GULP1: variants seen among roughly 807,000 people sequenced by gnomAD.
The protein encoded by GULP1 is GULP PTB domain containing engulfment adaptor 1.
A neutral mutation model predicts 40.9 loss-of-function variants in GULP1; 19 were observed. The ratio of observed to expected loss-of-function variants is 0.46; its 90% CI spans 0.32 to 0.68. The LOEUF is 0.68. GULP1 is among the 30% of genes least tolerant of loss of function. The pLI, the probability that GULP1 is intolerant of heterozygous loss-of-function variation, is 0.03. For missense variants in GULP1, 312 were observed against 362.2 expected (o/e 0.86, Z 1.12); for synonymous variants, 119 against 117.6 (o/e 1.01, Z -0.08).
intron 2 of GULP1, among the ~76,000 whole-genome samples, chr2:188,465,959 G>T (rs2060078221): frequency 6.6e-6 from 1 of 150,624 alleles, no homozygotes; most frequent in African/African-American, 2.5e-5. Flanking sequence ...ATGAAGGTGT[G>T]TGTGTGTGTA....
At chr2:188,433,995 CT>C (rs199943094) in intron 2 of GULP1, among the ~76,000 whole-genome samples, 1 of 151,212 alleles carries the variant, frequency 6.6e-6, no homozygotes. Flanking sequence ...ATTCCCCCCA[CT>C]TTTTTTTAAC....
At chr2:188,363,800 AT>A (rs2046394093) in intron 1 of GULP1, among the ~76,000 whole-genome samples, 1 of 152,140 alleles carries the variant, frequency 6.6e-6, no homozygotes, top group African/African-American at 2.4e-5. Flanking sequence ...AAGTTAAGAA[AT>A]TTGAGAGAGG....
intron 7 of GULP1, among the ~76,000 whole-genome samples, chr2:188,542,683 TATA>T (rs1690856182): frequency 6.6e-6 from 1 of 152,148 alleles, no homozygotes; most frequent in Non-Finnish European, 1.5e-5. Flanking sequence ...AGACATTTTA[TATA>T]GCTCAAATTG....
chr2:188,481,729 G>A (rs2153054242), intron 3 of GULP1, among the ~76,000 whole-genome samples: 1 of 152,010 alleles, frequency 6.6e-6, no homozygotes, highest in South Asian at 2.1e-4. Flanking sequence ...ACATACTCCT[G>A]AGATGTGTTG....
chr2:188,368,005 C>G (rs1022588349), intron 1 of GULP1, among the ~76,000 whole-genome samples: 2 of 152,032 alleles, frequency 1.3e-5, no homozygotes, highest in African/African-American at 4.8e-5. Context: ...TTTTGTGTCT[C>G]CTTTATAGCA....
chr2:188,364,296 G>T (rs1485969960), intron 1 of GULP1, among the ~76,000 whole-genome samples: 1 of 152,002 alleles, frequency 6.6e-6, no homozygotes, highest in African/African-American at 2.4e-5. Flanking sequence ...GATCCTCAGG[G>T]TTATTGGGTT....
intron 4 of GULP1, among the ~76,000 whole-genome samples, chr2:188,510,291 T>G (rs556920799): frequency 1.3e-5 from 2 of 152,220 alleles, no homozygotes; most frequent in South Asian, 4.1e-4. Context: ...CCATGAAAAT[T>G]AAGAATGAAA....
At chr2:188,473,786 T>C (rs1480643955) in intron 2 of GULP1, among the ~76,000 whole-genome samples, 1 of 152,128 alleles carries the variant, frequency 6.6e-6, no homozygotes, top group Non-Finnish European at 1.5e-5. Context: ...GCTGAGCTGG[T>C]ATCTAGGTGC....
At chr2:188,368,220 G>A (rs2047061350) in intron 1 of GULP1, among the ~76,000 whole-genome samples, 1 of 152,104 alleles carries the variant, frequency 6.6e-6, no homozygotes, top group Admixed American at 6.6e-5. Flanking sequence ...TTGGTGTTGA[G>A]GGATCTATAA....
rs117134065 is a variant in GULP1, at chr2:188,372,260, A to G, written c.-171-11503A>G. On this transcript the variant is annotated intron_variant, in intron 1 of 11. Transcript: ENST00000409830. ...TAGTTCTCCAGAGGAGTTACCTCCTATGGCTAGTACTAGTACTTTCTACTT... is the reference window on the plus strand; with the variant it reads ...TAGTTCTCCAGAGGAGTTACCTCCTGTGGCTAGTACTAGTACTTTCTACTT... Among the ~76,000 whole-genome samples, 73 of 152,226 alleles carry G rather than the reference A, an allele frequency of 4.8e-4. No homozygotes were observed. In the East Asian group the frequency reaches 0.014, roughly 29 times the overall value.
chr2:188,584,264 G>C lies in GULP1; in HGVS notation c.610-1G>C. On this transcript the variant is annotated splice_acceptor_variant, in intron 9 of 11. Coordinates refer to ENST00000409830, the MANE Select transcript of GULP1 (RefSeq NM_016315.4). LOFTEE classifies it high-confidence loss of function. ...CCCTAATTCATTTATTTTCATTGCA[G>C]GCAGGCAGTATGACACCTAAGTCGC... The C allele has an allele frequency of 6.3e-7, 1 of 1,594,112 alleles. No individual in the cohort carries two copies.
intron 2 of GULP1, among the ~76,000 whole-genome samples, chr2:188,392,277 C>A (rs2050630634): frequency 1.3e-5 from 2 of 149,974 alleles, no homozygotes; most frequent in African/African-American, 4.8e-5. Context: ...TTCAATTTCA[C>A]TGCTTTTTAT....
At chr2:188,434,569 A>T in intron 2 of GULP1, among the ~76,000 whole-genome samples, 1 of 147,598 alleles carries the variant, frequency 6.8e-6, no homozygotes, top group Non-Finnish European at 1.5e-5. Context: ...CATCCTTTTG[A>T]ATCATTTTTC....
chr2:188,406,815 T>C (rs1189725846), intron 2 of GULP1, among the ~76,000 whole-genome samples: 1 of 151,856 alleles, frequency 6.6e-6, no homozygotes, highest in Non-Finnish European at 1.5e-5. Context: ...TAAGAGAACA[T>C]TTAAAGAAAC....
chr2:188,523,420 A>G (rs1471230736), intron 5 of GULP1, among the ~76,000 whole-genome samples: 2 of 152,234 alleles, frequency 1.3e-5, no homozygotes, highest in Non-Finnish European at 2.9e-5. Context: ...AAAATCTTAC[A>G]TAAGATGCTA....
intron 1 of GULP1, among the ~76,000 whole-genome samples, chr2:188,319,429 A>T (rs531648718): frequency 1.8e-4 from 27 of 152,278 alleles, no homozygotes; most frequent in South Asian, 8.3e-4. Context: ...TGAAAGATGG[A>T]ATCATAGTGT....
intron 2 of GULP1, among the ~76,000 whole-genome samples, chr2:188,394,207 CATT>C (rs1289472309): frequency 6.6e-6 from 1 of 152,056 alleles, no homozygotes; most frequent in Non-Finnish European, 1.5e-5. Flanking sequence ...TTCTTACAGA[CATT>C]ATTCATTTCT....
intron 4 of GULP1, among the ~76,000 whole-genome samples, chr2:188,512,068 G>A (rs1188672826): frequency 1.3e-5 from 2 of 152,038 alleles, no homozygotes; most frequent in Non-Finnish European, 2.9e-5. Context: ...TGGGACCATA[G>A]GAAGTCAGCC....
At chr2:188,434,484 C>G (rs2152834008) in intron 2 of GULP1, among the ~76,000 whole-genome samples, 1 of 151,350 alleles carries the variant, frequency 6.6e-6, no homozygotes, top group African/African-American at 2.4e-5. Context: ...AGTATCCATT[C>G]TGCCTCTTGT....
Sources: gnomAD v4.1 joint callset for allele counts (sites outside exome capture counted in the v4.1 genomes callset) on GRCh38, gnomAD v4.1.1 for gene constraint, MANE v1.5 for transcripts, NCBI Gene and HGNC (gene_info 2026-07-23, HGNC 2026-07-21) for gene names.